NEGR1: variants seen among roughly 807,000 people sequenced by gnomAD.
NEGR1 encodes the protein neuronal growth regulator 1.
NEGR1 carries 10 observed loss-of-function variants against 40.9 expected under a neutral mutation model. That is an observed-to-expected ratio of 0.24 (90% CI 0.15 to 0.42). NEGR1 has a LOEUF of 0.42. Ranked by LOEUF, NEGR1 falls within the 10% of genes least tolerant of loss-of-function variation. NEGR1 has a pLI of 1.00. For synonymous variants in NEGR1, 185 were observed against 166.8 expected (o/e 1.11, Z -0.84); for missense variants, 352 against 438.9 (o/e 0.80, Z 1.77).
intron 1 of NEGR1, among the ~76,000 whole-genome samples, chr1:72,041,504 G>A (rs575830845): frequency 7.1e-6 from 1 of 140,888 alleles, no homozygotes; most frequent in East Asian, 2.1e-4. Context: ...AATTGTTTGT[G>A]TACTCAAGGA....
chr1:71,883,620 C>A (rs1351786547), intron 2 of NEGR1, among the ~76,000 whole-genome samples: 1 of 151,982 alleles, frequency 6.6e-6, no homozygotes, highest in Non-Finnish European at 1.5e-5. Flanking sequence ...TACATGTGCA[C>A]AACGTGCAGG....
intron 1 of NEGR1, chr1:72,275,095 A>C: frequency 1.1e-6 from 1 of 895,202 alleles, no homozygotes; most frequent in Non-Finnish European, 1.9e-6. Context: ...CCTGATACCG[A>C]AAGACTTGGG....
intron 6 of NEGR1, chr1:71,461,706 A>G (rs941814849): frequency 3.9e-5 from 6 of 152,212 alleles, no homozygotes; most frequent in African/African-American, 1.4e-4. Flanking sequence ...GGCAATCTAC[A>G]TTTATGGCTG....
rs187791122 is a variant in NEGR1 at position 71,962,021 on chromosome 1, C to T, written c.177-26710G>A. On this transcript the variant is annotated intron_variant, in intron 1 of 6. Transcript: ENST00000357731. ...GGTATTTGTATTATTCTTAAGAAAT[C>T]CTTGTGAATGGGGAAAATGACCAAC... 2.6e-5 allele frequency among the ~76,000 whole-genome samples: 4 copies of T among 151,956 alleles called. No individual in the cohort carries two copies. In the East Asian group the frequency reaches 7.7e-4, roughly 29 times the overall value.
At chr1:71,841,061 T>C (rs1424335937) in intron 2 of NEGR1, among the ~76,000 whole-genome samples, 2 of 152,048 alleles carry the variant, frequency 1.3e-5, no homozygotes, top group East Asian at 1.9e-4. Flanking sequence ...TTAAGGTATA[T>C]CTCTTTCTCT....
At chr1:71,755,675 C>T (rs976958363) in intron 3 of NEGR1, among the ~76,000 whole-genome samples, 6 of 152,196 alleles carry the variant, frequency 3.9e-5, no homozygotes, top group Non-Finnish European at 8.8e-5. Flanking sequence ...AACTTCCTGT[C>T]CTTAAACTTC....
chr1:71,689,207 A>C (rs1653168708), intron 4 of NEGR1, among the ~76,000 whole-genome samples: 1 of 152,216 alleles, frequency 6.6e-6, no homozygotes, highest in African/African-American at 2.4e-5. Flanking sequence ...GAATTCACAA[A>C]GCAAAAGTCT....
chr1:71,943,234 TCACACATACA>T (rs1645987933), intron 1 of NEGR1, among the ~76,000 whole-genome samples: 1 of 147,664 alleles, frequency 6.8e-6, no homozygotes, highest in South Asian at 2.1e-4. Context: ...ATGTATATAC[TCACACATACA>T]CACACATACA....
At chr1:71,595,068 G>A (rs926808726) in intron 5 of NEGR1, among the ~76,000 whole-genome samples, 2 of 152,176 alleles carry the variant, frequency 1.3e-5, no homozygotes, top group African/African-American at 4.8e-5. Flanking sequence ...CTGTCTTTCT[G>A]GGTGAATTAG....
chr1:71,532,427 A>T (rs894585976), intron 6 of NEGR1, among the ~76,000 whole-genome samples: 1 of 151,612 alleles, frequency 6.6e-6, no homozygotes, highest in African/African-American at 2.4e-5. Context: ...GAGTAGAAGT[A>T]TAGGTTTTCC....
chr1:72,223,876 C>G (rs760143421), intron 1 of NEGR1, among the ~76,000 whole-genome samples: 2 of 152,120 alleles, frequency 1.3e-5, no homozygotes, highest in Non-Finnish European at 2.9e-5. Flanking sequence ...CATCTCCCAG[C>G]AGCTTGACAG....
Position 71,578,560 on chromosome 1 carries a change from T to C in NEGR1, c.940+14257A>G, listed in dbSNP as rs188721441. On this transcript the variant is annotated intron_variant, in intron 6 of 6. Coordinates refer to ENST00000357731, the MANE Select transcript of NEGR1 (RefSeq NM_173808.3). ...TACATCTATATAGAAAAGTTCTTAATGGATTCACTCAGGGGCAAGACTATT... is the reference window on the plus strand; with the variant it reads ...TACATCTATATAGAAAAGTTCTTAACGGATTCACTCAGGGGCAAGACTATT... Among the ~76,000 whole-genome samples the C allele has an allele frequency of 8.3e-4, 127 of 152,250 alleles. 2 individuals carry two copies. Among genetic ancestry groups the C allele is most frequent in the Admixed American group, 8.0e-3 (123 of 15,288 alleles).
chr1:71,472,238 G>A (rs542843808), intron 6 of NEGR1, among the ~76,000 whole-genome samples: 1 of 152,128 alleles, frequency 6.6e-6, no homozygotes, highest in Non-Finnish European at 1.5e-5. Context: ...TAATGGAACG[G>A]TATTGATTGA....
chr1:72,032,869 G>C (rs1370402079), intron 1 of NEGR1, among the ~76,000 whole-genome samples: 1 of 151,832 alleles, frequency 6.6e-6, no homozygotes. Flanking sequence ...TTAAAAAATG[G>C]GAATAATGAT....
At chr1:71,468,939 G>A (rs770471289) in intron 6 of NEGR1, 1 of 151,992 alleles carries the variant, frequency 6.6e-6, no homozygotes, top group African/African-American at 2.4e-5. Context: ...TAAGTACTAA[G>A]TAAAACTCTC....
At chr1:71,704,346 A>G (rs1285135499) in intron 3 of NEGR1, among the ~76,000 whole-genome samples, 1 of 152,082 alleles carries the variant, frequency 6.6e-6, no homozygotes, top group African/African-American at 2.4e-5. Flanking sequence ...GTGAAACTCA[A>G]TGAAAGCAAA....
chr1:71,818,082 C>G (rs1235371961), intron 2 of NEGR1, among the ~76,000 whole-genome samples: 1 of 151,996 alleles, frequency 6.6e-6, no homozygotes, highest in South Asian at 2.1e-4. Flanking sequence ...CACTTATACA[C>G]TGGTGATTGG....
At chr1:71,658,781 C>A (rs1377244502) in intron 4 of NEGR1, among the ~76,000 whole-genome samples, 2 of 152,122 alleles carry the variant, frequency 1.3e-5, no homozygotes, top group African/African-American at 2.4e-5. Flanking sequence ...CTGCAGACTG[C>A]AGTCCTTCTT....
chr1:71,764,514 T>C (rs1284739066), intron 3 of NEGR1, among the ~76,000 whole-genome samples: 1 of 152,244 alleles, frequency 6.6e-6, no homozygotes, highest in Non-Finnish European at 1.5e-5. Context: ...CGAGTGATTT[T>C]CTTATTCAAG....
Sources: allele counts gnomAD v4.1 joint callset (sites outside exome capture counted in the v4.1 genomes callset), GRCh38; gene constraint gnomAD v4.1.1; transcripts MANE v1.5; gene names NCBI Gene and HGNC (gene_info 2026-07-23, HGNC 2026-07-21).